Variants in TRIP11 observed in about 807,000 individuals in gnomAD.
The protein encoded by TRIP11 is thyroid receptor-interacting protein 11.
Under a neutral mutation model 223.1 loss-of-function variants are expected in TRIP11, and 148 were observed. The observed-to-expected ratio is 0.66, with a 90% CI of 0.58 to 0.76. The LOEUF (loss-of-function observed/expected upper bound fraction) is 0.76, where lower values mean the gene tolerates loss of function less well. TRIP11 is among the 30% of genes least tolerant of loss of function. TRIP11 has a pLI of 0.00. For synonymous variants in TRIP11, 762 were observed against 772.6 expected (o/e 0.99, Z 0.23); for missense variants, 2,043 against 2,222.0 (o/e 0.92, Z 1.62).
intron 3 of TRIP11, among the ~76,000 whole-genome samples, chr14:92,022,036 T>A (rs1297171492): frequency 6.6e-6 from 1 of 152,218 alleles, no homozygotes; most frequent in Non-Finnish European, 1.5e-5. Context: ...GCATAAATAA[T>A]GTTACAAATA....
At position 92,021,729 on chromosome 14, in the gene TRIP11, C is replaced by T. The variant is rs765700011; in HGVS notation, c.415G>A (p.Ala139Thr). 1.1e-5 allele frequency: 17 copies of T among 1,614,032 alleles called. No homozygotes were observed. In the South Asian group the frequency reaches 1.9e-4, roughly 18 times the overall value. The change falls in exon 4 of 21, where the codon GCA becomes ACA. Residue 139 changes from alanine to threonine, a missense_variant. Coordinates refer to ENST00000267622, the MANE Select transcript of TRIP11 (RefSeq NM_004239.4). The part of the protein sequence containing the change: ...QSVPSGAGVP[A>T]TTASSSFAYG... ...GCGAATGAAGATGATGCAGTGGTTG[C>T]TGGTACACCAGCTCCTGAAGGTACT...
Position 92,005,321 on chromosome 14 carries a change from A to C in TRIP11, c.2655T>G (p.Pro885=), listed in dbSNP as rs780729641. 1.2e-6 allele frequency: 2 copies of C among 1,614,134 alleles called. No homozygotes were observed. Among genetic ancestry groups the C allele is most frequent in the South Asian group, 1.1e-5 (1 of 91,072 alleles). The change falls in exon 11 of 21, where the codon CCT becomes CCG. Residue 885 remains proline, a synonymous_variant. Coordinates refer to ENST00000267622, the MANE Select transcript of TRIP11 (RefSeq NM_004239.4). ...GTTCAGTAACACTATCAAGGGTTTT[A>C]GGGTCAGCCACAGGTGCGGTTCGAC... ...EQSRTAPVAD[P]KTLDSVTELA...
intron 13 of TRIP11, among the ~76,000 whole-genome samples, chr14:91,996,403 G>A (rs1367988070): frequency 6.6e-6 from 1 of 152,180 alleles, no homozygotes; most frequent in East Asian, 1.9e-4. Context: ...TAGTCCAGGT[G>A]AGGCGGCTCT....
rs865862496 is a variant in TRIP11 at position 92,027,032 on chromosome 14, C to T, written c.202-1612G>A. 83 of 613,152 alleles carry T rather than the reference C, an allele frequency of 1.4e-4. 1 individual carries two copies. In the Middle Eastern group the frequency reaches 1.4e-3, roughly 10 times the overall value. 38.0% of individuals were successfully genotyped at this position (613,152 alleles called of 1,614,324 possible). Reference sequence around the variant, plus strand: ...TGGGCAGTGCCACCAGCAGATGACACGCGCTCTCCACCACGCAACCCAAAC... The same window carrying T: ...TGGGCAGTGCCACCAGCAGATGACATGCGCTCTCCACCACGCAACCCAAAC... On this transcript the variant is annotated intron_variant, in intron 2 of 20. Coordinates refer to ENST00000267622, the MANE Select transcript of TRIP11 (RefSeq NM_004239.4).
At position 91,967,135 on chromosome 14, in the gene TRIP11, CTTTTTTTT is replaced by C. The variant is rs547805058; in HGVS notation, c.*2530_*2537del. 3.0e-4 allele frequency: 26 copies of C among 85,552 alleles called. No individual in the cohort carries two copies. Among genetic ancestry groups the C allele is most frequent in the East Asian group, 1.6e-3 (6 of 3,732 alleles). 5.3% of individuals were successfully genotyped at this position (85,552 alleles called of 1,614,324 possible). A position where few individuals can be genotyped will look rare whatever the true frequency, so the allele number is the denominator to read the frequency against. On this transcript the variant is annotated 3_prime_UTR_variant, in exon 21 of 21. Transcript: ENST00000267622. Reference sequence around the variant, plus strand: ...ACAATGAAAACATTAGGTACTATAGCTTTTTTTTTTTTTTTTTTTTTTTTGAGACAGAG... The same window carrying C: ...ACAATGAAAACATTAGGTACTATAGCTTTTTTTTTTTTTTTTGAGACAGAG...
intron 1 of TRIP11, among the ~76,000 whole-genome samples, chr14:92,038,031 T>C (rs554556679): frequency 3.9e-5 from 6 of 152,168 alleles, no homozygotes; most frequent in African/African-American, 1.2e-4. Flanking sequence ...GGAAAGATTA[T>C]AGGGATCTAA....
chr14:92,012,686 G>A (rs552767691), intron 7 of TRIP11, among the ~76,000 whole-genome samples: 1 of 152,198 alleles, frequency 6.6e-6, no homozygotes, highest in Non-Finnish European at 1.5e-5. Flanking sequence ...GGGTAACAGA[G>A]TGAAGAGGTA....
intron 2 of TRIP11, among the ~76,000 whole-genome samples, chr14:92,032,141 T>C (rs2057273398): frequency 6.6e-6 from 1 of 152,150 alleles, no homozygotes; most frequent in Non-Finnish European, 1.5e-5. Context: ...TAATTTGCTA[T>C]TCCTGTATCC....
intron 13 of TRIP11, among the ~76,000 whole-genome samples, chr14:91,998,932 T>C (rs2140109736): frequency 6.6e-6 from 1 of 152,240 alleles, no homozygotes; most frequent in South Asian, 2.1e-4. Context: ...ACAGAGCCAA[T>C]TAAAATCAGT....
chr14:91,977,260 C>T (rs752640912), intron 16 of TRIP11: 4 of 452,124 alleles, frequency 8.8e-6, no homozygotes, highest in South Asian at 6.3e-5. Flanking sequence ...TTTTGAAACA[C>T]AAAAGTTTTC....
intron 2 of TRIP11, among the ~76,000 whole-genome samples, chr14:92,031,981 T>C (rs2057271403): frequency 6.6e-6 from 1 of 151,694 alleles, no homozygotes. Flanking sequence ...CACCACACCT[T>C]GACTAATTTT....
At chr14:92,029,664 AGTTTT>A (rs2057238939) in intron 2 of TRIP11, among the ~76,000 whole-genome samples, 1 of 152,012 alleles carries the variant, frequency 6.6e-6, no homozygotes, top group African/African-American at 2.4e-5. Context: ...CACTTTTTGT[AGTTTT>A]GTTTTTTCTC....
At chr14:92,029,155 TA>T (rs1345775698) in intron 2 of TRIP11, among the ~76,000 whole-genome samples, 3 of 152,084 alleles carry the variant, frequency 2.0e-5, no homozygotes, top group South Asian at 2.1e-4. Context: ...AAAAATCATT[TA>T]AAAAATTATT....
At position 91,967,632 on chromosome 14, in the gene TRIP11, T is replaced by C. The variant is rs182746515; in HGVS notation, c.*2041A>G. On this transcript the variant is annotated 3_prime_UTR_variant, in exon 21 of 21. Transcript: ENST00000267622. The stretch of plus-strand genomic sequence containing the variant: ...AAAATGTCACAAAAGGCATTTCAAA[T>C]ATGATGACATACTACTTAAATACCA... 5.1e-6 allele frequency: 1 copy of C among 197,254 alleles called. No homozygotes were observed. Among genetic ancestry groups the C allele is most frequent in the African/African-American group, 2.3e-5 (1 of 43,436 alleles). 12.2% of individuals were successfully genotyped at this position (197,254 alleles called of 1,614,324 possible). A position where few individuals can be genotyped will look rare whatever the true frequency, so the allele number is the denominator to read the frequency against.
chr14:92,017,138 A>G (rs915808931), intron 5 of TRIP11, among the ~76,000 whole-genome samples: 1 of 152,240 alleles, frequency 6.6e-6, no homozygotes, highest in African/African-American at 2.4e-5. Context: ...AATAGAGTAT[A>G]GAGACTTACG....
At chr14:91,970,096 G>A (rs1447803699) in intron 20 of TRIP11, among the ~76,000 whole-genome samples, 1 of 152,046 alleles carries the variant, frequency 6.6e-6, no homozygotes, top group Non-Finnish European at 1.5e-5. Flanking sequence ...ACATCTTTTT[G>A]GACTGGTCTT....
intron 1 of TRIP11, among the ~76,000 whole-genome samples, chr14:92,034,424 C>CAAAAAAAAAAA (rs34612555): frequency 1.5e-5 from 2 of 133,384 alleles, no homozygotes; most frequent in Non-Finnish European, 3.2e-5. Flanking sequence ...CTCTTGTCTC[C>CAAAAAAAAAAA]AAAAAAAAAA....
intron 13 of TRIP11, 103 bp downstream of exon 13, chr14:91,999,137 T>A (rs575485274): frequency 1.6e-6 from 2 of 1,263,220 alleles, no homozygotes; most frequent in Non-Finnish European, 2.2e-6. Flanking sequence ...AAAATACAGA[T>A]AATGAATTTT....
chr14:92,039,424 A>C, intron 1 of TRIP11, 123 bp downstream of exon 1: 1 of 1,050,800 alleles, frequency 9.5e-7, no homozygotes, highest in South Asian at 1.5e-5. Flanking sequence ...GTGTGTGAAG[A>C]AAAAAGGGAG....
Sources: gnomAD v4.1 joint callset for allele counts (sites outside exome capture counted in the v4.1 genomes callset) on GRCh38, gnomAD v4.1.1 for gene constraint, MANE v1.5 for transcripts, NCBI Gene and HGNC (gene_info 2026-07-23, HGNC 2026-07-21) for gene names.